The following EXOC1 variants were observed in gnomAD, a reference collection of about 807,000 sequenced individuals.
EXOC1 encodes exocyst complex component 1, also known as SEC3-like 1.
A neutral mutation model predicts 107.7 loss-of-function variants in EXOC1; 67 were observed. The ratio of observed to expected loss-of-function variants is 0.62; its 90% CI spans 0.51 to 0.76. EXOC1 has a LOEUF of 0.76. EXOC1 is among the 30% of genes least tolerant of loss of function. The pLI is 0.00. For missense variants in EXOC1, 833 were observed against 1,055.7 expected (o/e 0.79, Z 2.92); for synonymous variants, 348 against 353.5 (o/e 0.98, Z 0.17).
rs564100757 is a variant in EXOC1 at position 55,878,032 on chromosome 4, G to A, written c.1190G>A (p.Ser397Asn). ...RYAKLMEWLK[S>N]TDYGKYEGLT... is the part of the protein sequence containing the mutation. ...GCCAAGCTGATGGAGTGGCTAAAGA[G>A]TACAGATTATGGAAAATATGAAGGA... Residue 397 changes from serine to asparagine, a missense_variant, in exon 9 of 19, where the codon AGT (serine) becomes AAT (asparagine). Ser to Asn is a conservative substitution (Grantham distance 46, BLOSUM62 1). Around this residue, in one of 2 missense-constraint regions of EXOC1, gnomAD observed 617 missense variants for 701.3 expected, o/e 0.88. Transcript: ENST00000381295. 45 of 1,613,682 alleles carry A rather than the reference G, an allele frequency of 2.8e-5. No homozygotes were observed. The South Asian group carries it at 3.8e-4, about 14-fold the overall frequency.
chr4:55,904,539 A>G lies in EXOC1; in HGVS notation c.*44A>G, dbSNP rs376468294. On this transcript the variant is annotated 3_prime_UTR_variant, in exon 19 of 19. Coordinates refer to ENST00000381295, the MANE Select transcript of EXOC1 (RefSeq NM_001024924.2). ...AGATAACTGAATGAAGCATTTGAGT[A>G]TAACAGACACTATACCAAAATACCA... 16 of 1,553,984 alleles carry G rather than the reference A, an allele frequency of 1.0e-5. No homozygotes were observed. Among genetic ancestry groups the G allele is most frequent in the African/African-American group, 4.1e-5 (3 of 72,656 alleles).
At chr4:55,875,346 G>A (rs891701861) in intron 8 of EXOC1, 2 of 678,868 alleles carry the variant, frequency 2.9e-6, no homozygotes, top group African/African-American at 3.9e-5. Context: ...GAGGTTTGTT[G>A]GAACTTTGCT....
In EXOC1 at chr4:55,904,692, T is replaced by G. The variant is rs994200940; in HGVS notation, c.*197T>G. 2.3e-6 allele frequency: 1 copy of G among 433,770 alleles called. No homozygotes were observed. Among genetic ancestry groups the G allele is most frequent in the African/African-American group, 2.0e-5 (1 of 49,090 alleles). 26.9% of individuals were successfully genotyped at this position (433,770 alleles called of 1,614,324 possible). On this transcript the variant is annotated 3_prime_UTR_variant, in exon 19 of 19. Transcript: ENST00000381295. ...CTATATAGCAGTTTTATTTGCCCTATAGGTTGCATACTAACTTAAGCATTC... is the reference window on the plus strand; with the variant it reads ...CTATATAGCAGTTTTATTTGCCCTAGAGGTTGCATACTAACTTAAGCATTC...
intron 18 of EXOC1, among the ~76,000 whole-genome samples, chr4:55,902,920 C>T (rs535047170): frequency 6.6e-6 from 1 of 151,788 alleles, no homozygotes; most frequent in East Asian, 1.9e-4. Flanking sequence ...TAAGTGGAAA[C>T]GATACATCTC....
intron 18 of EXOC1, among the ~76,000 whole-genome samples, chr4:55,903,146 T>TAAA (rs1560369832): frequency 1.9e-4 from 17 of 88,996 alleles, no homozygotes; most frequent in African/African-American, 9.6e-4. Context: ...CGTGTCTCAA[T>TAAA]TAAAAAAAAA....
intron 1 of EXOC1, among the ~76,000 whole-genome samples, chr4:55,857,604 G>A (rs1721119777): frequency 6.6e-6 from 1 of 152,054 alleles, no homozygotes; most frequent in Non-Finnish European, 1.5e-5. Context: ...GAACATTCAT[G>A]TACAAATTTT....
intron 8 of EXOC1, chr4:55,877,713 T>A: frequency 1.0e-6 from 1 of 985,404 alleles, no homozygotes; most frequent in South Asian, 4.7e-5. Flanking sequence ...ATGATTATCT[T>A]ATGGTGGTAA....
intron 10 of EXOC1, among the ~76,000 whole-genome samples, chr4:55,888,427 TAGTC>T (rs1724134671): frequency 6.6e-6 from 1 of 152,172 alleles, no homozygotes; most frequent in Non-Finnish European, 1.5e-5. Flanking sequence ...TAAAATTATT[TAGTC>T]AGTGGAGAAT....
chr4:55,888,962 T>C (rs1044266221), intron 11 of EXOC1, 30 bp downstream of exon 11: 1 of 1,604,480 alleles, frequency 6.2e-7, no homozygotes, highest in African/African-American at 1.3e-5. Context: ...TAGTAGGTAT[T>C]CTCAATGCAT....
chr4:55,890,085 C>G, intron 11 of EXOC1, 138 bp from the exon 12 acceptor site: 1 of 738,314 alleles, frequency 1.4e-6, no homozygotes, highest in Non-Finnish European at 2.2e-6. Flanking sequence ...CCACCTATCC[C>G]TTATAGAAGA....
intron 10 of EXOC1, among the ~76,000 whole-genome samples, chr4:55,886,484 T>C (rs149793780): frequency 1.2e-3 from 174 of 149,958 alleles, no homozygotes; most frequent in African/African-American, 4.1e-3. Flanking sequence ...GCCTGAGAGG[T>C]CAAGGCTGCA....
chr4:55,903,136 C>G (rs1726164235), intron 18 of EXOC1, among the ~76,000 whole-genome samples: 1 of 134,258 alleles, frequency 7.4e-6, no homozygotes, highest in Non-Finnish European at 1.6e-5. Flanking sequence ...AGAGTGAGGC[C>G]GTGTCTCAAT....
intron 1 of EXOC1, among the ~76,000 whole-genome samples, chr4:55,857,168 CTTTTTTTTTTTTTTTTT>C (rs71192052): frequency 7.6e-5 from 5 of 65,738 alleles, no homozygotes; most frequent in Admixed American, 2.4e-4. Flanking sequence ...TCCTTTTTTT[CTTTTTTTTTTTTTTTTT>C]TTTTTTTTTT....
chr4:55,861,778 G>T (rs1721494180), intron 3 of EXOC1, among the ~76,000 whole-genome samples: 1 of 152,254 alleles, frequency 6.6e-6, no homozygotes, highest in Non-Finnish European at 1.5e-5. Context: ...TTTAGGCCAG[G>T]CGTGGTGGCT....
At chr4:55,886,795 CAGAA>C (rs1723933348) in intron 10 of EXOC1, among the ~76,000 whole-genome samples, 1 of 152,000 alleles carries the variant, frequency 6.6e-6, no homozygotes. Context: ...TAAGAATAGT[CAGAA>C]TGAATGCATC....
intron 2 of EXOC1, among the ~76,000 whole-genome samples, chr4:55,860,072 G>A (rs1347813176): frequency 6.6e-6 from 1 of 152,082 alleles, no homozygotes; most frequent in Admixed American, 6.5e-5. Flanking sequence ...ATGTATTGTT[G>A]CTCTTTGAAA....
intron 10 of EXOC1, among the ~76,000 whole-genome samples, chr4:55,884,454 A>G (rs998309335): frequency 6.6e-6 from 1 of 152,218 alleles, no homozygotes; most frequent in Non-Finnish European, 1.5e-5. Context: ...GTCACCAAAC[A>G]TTCTCATGTT....
intron 10 of EXOC1, among the ~76,000 whole-genome samples, chr4:55,887,535 A>G (rs924384323): frequency 6.6e-6 from 1 of 152,110 alleles, no homozygotes; most frequent in Non-Finnish European, 1.5e-5. Flanking sequence ...AGGCTGTTTT[A>G]TGAACCTCAA....
intron 1 of EXOC1, 24 bp from the exon 2 acceptor site, chr4:55,858,290 A>G (rs763749914): frequency 1.9e-6 from 3 of 1,566,100 alleles, no homozygotes; most frequent in Non-Finnish European, 1.7e-6. Context: ...GGTGAGCTTA[A>G]TATCTATACT....
Sources: gnomAD v4.1 joint callset for allele counts (sites outside exome capture counted in the v4.1 genomes callset) on GRCh38, gnomAD v4.1.1 for gene constraint, gnomAD v4.1.1 regional missense constraint, MANE v1.5 for transcripts, NCBI Gene and HGNC (gene_info 2026-07-23, HGNC 2026-07-21) for gene names.